SNX29: variants seen among roughly 807,000 people sequenced by gnomAD.
SNX29 encodes sorting nexin 29, also known as sorting nexin-29.
In SNX29, 78 loss-of-function variants were observed where a neutral mutation model predicts 102.1. The observed-to-expected ratio is 0.76, with a 90% CI of 0.64 to 0.92. The LOEUF (loss-of-function observed/expected upper bound fraction) is 0.92, where lower values mean the gene tolerates loss of function less well. Among genes scored for constraint, SNX29 ranks in the 40% least tolerant of loss-of-function variants. The probability of loss-of-function intolerance (pLI) is 0.00; values close to 1 mark genes in which losing one functional copy is unlikely to be tolerated. For synonymous variants in SNX29, 580 were observed against 414.5 expected, an observed-to-expected ratio of 1.40 and a Z score of -4.85; for missense variants, 1,280 against 1,061.7, an observed-to-expected ratio of 1.21 and a Z score of -2.86.
At chr16:12,266,444 C>T (rs1031910409) in intron 14 of SNX29, among the ~76,000 whole-genome samples, 8 of 152,166 alleles carry the variant, frequency 5.3e-5, no homozygotes, top group African/African-American at 1.2e-4. Context: ...TGCTTCCAAC[C>T]AACCAGCCCC....
chr16:12,454,552 A>T (rs2086451452), intron 18 of SNX29, among the ~76,000 whole-genome samples: 1 of 152,174 alleles, frequency 6.6e-6, no homozygotes, highest in African/African-American at 2.4e-5. Context: ...GCTGCTGGCG[A>T]ATGTGGCTTG....
At chr16:12,110,882 G>A (rs2053476081) in intron 11 of SNX29, among the ~76,000 whole-genome samples, 1 of 151,772 alleles carries the variant, frequency 6.6e-6, no homozygotes, top group Admixed American at 6.6e-5. Flanking sequence ...GGAGTGCAGT[G>A]GTGCGATCAT....
chr16:12,379,187 C>G (rs907944095), intron 16 of SNX29, among the ~76,000 whole-genome samples: 14 of 152,150 alleles, frequency 9.2e-5, no homozygotes, highest in African/African-American at 3.1e-4. Context: ...CTCTTTTTCT[C>G]AAGCAGGGGT....
chr16:12,451,824 A>G (rs903040462), intron 18 of SNX29, among the ~76,000 whole-genome samples: 6 of 152,240 alleles, frequency 3.9e-5, no homozygotes, highest in African/African-American at 1.4e-4. Flanking sequence ...AGATCGCGCC[A>G]CTGCATTCTA....
At chr16:12,060,948 C>T (rs1018868627) in intron 8 of SNX29, 11 of 442,010 alleles carry the variant, frequency 2.5e-5, no homozygotes, top group African/African-American at 1.0e-4. Flanking sequence ...CTTTTACCCA[C>T]GAGGGGCTCA....
intron 18 of SNX29, among the ~76,000 whole-genome samples, chr16:12,424,729 C>G (rs1268884896): frequency 6.6e-6 from 1 of 152,114 alleles, no homozygotes; most frequent in African/African-American, 2.4e-5. Flanking sequence ...GGGGGGATAC[C>G]TGTAACAGAC....
At chr16:12,033,108 G>A (rs747700057) in intron 4 of SNX29, among the ~76,000 whole-genome samples, 3 of 152,128 alleles carry the variant, frequency 2.0e-5, no homozygotes, top group Non-Finnish European at 4.4e-5. Flanking sequence ...GCCCGCCTTG[G>A]CCTCCCAAAG....
chr16:12,487,709 G>A (rs144062266), intron 19 of SNX29, among the ~76,000 whole-genome samples: 72 of 152,294 alleles, frequency 4.7e-4, no homozygotes, highest in African/African-American at 1.7e-3. Flanking sequence ...CCTGTTCGCA[G>A]CAGAGATGCA....
intron 20 of SNX29, among the ~76,000 whole-genome samples, chr16:12,554,754 T>C (rs1016878468): frequency 1.3e-5 from 2 of 152,034 alleles, no homozygotes; most frequent in African/African-American, 4.8e-5. Context: ...TTAAGTGTAT[T>C]AGAACGTGCT....
chr16:12,179,273 C>G (rs1261342707), intron 13 of SNX29, among the ~76,000 whole-genome samples: 1 of 152,188 alleles, frequency 6.6e-6, no homozygotes, highest in Non-Finnish European at 1.5e-5. Flanking sequence ...CACTTGAGTT[C>G]AGGAGTTCGA....
intron 19 of SNX29, among the ~76,000 whole-genome samples, chr16:12,519,971 G>A (rs528798983): frequency 5.1e-4 from 78 of 152,090 alleles, no homozygotes; most frequent in South Asian, 1.7e-3. Flanking sequence ...GCGACAGAGC[G>A]AGACTCTGTC....
chr16:12,027,491 G>C (rs2057226709), intron 4 of SNX29, 47 bp downstream of exon 4: 1 of 1,603,308 alleles, frequency 6.2e-7, no homozygotes, highest in South Asian at 1.1e-5. Flanking sequence ...TCTTCCTTCT[G>C]CTCTTTTTCT....
At position 12,569,055 on chromosome 16, in the gene SNX29, G is replaced by A. The variant is rs116984143; in HGVS notation, c.*426G>A. 3,532 of 212,180 alleles carry A rather than the reference G, an allele frequency of 0.017. 79 individuals are homozygous for A. The highest frequency in any genetic ancestry group is 0.11 in the South Asian group (605 of 5,380). The allele number at this position is 212,180 out of a possible 1,614,324, so 13.1% of individuals were successfully genotyped here. ...CTCTTTCCCACGTGGGGACTAGAAT[G>A]ACTATTAGCCTCTCCTTTTGCTTTT... On this transcript the variant is annotated 3_prime_UTR_variant, in exon 21 of 21. Transcript: ENST00000566228.
chr16:11,986,207 C>T (rs1281526112), intron 1 of SNX29, among the ~76,000 whole-genome samples: 4 of 151,560 alleles, frequency 2.6e-5, no homozygotes, highest in African/African-American at 7.3e-5. Flanking sequence ...TTTTCCTTGC[C>T]CTGACTTTTT....
At chr16:12,346,739 A>C (rs146665100) in intron 15 of SNX29, among the ~76,000 whole-genome samples, 3 of 152,262 alleles carry the variant, frequency 2.0e-5, no homozygotes, top group Admixed American at 6.5e-5. Context: ...ACCACCAGGA[A>C]GGTGTTGGCT....
At chr16:11,990,331 C>CT (rs1249023542) in intron 1 of SNX29, among the ~76,000 whole-genome samples, 1 of 152,176 alleles carries the variant, frequency 6.6e-6, no homozygotes, top group East Asian at 1.9e-4. Flanking sequence ...GAGGTACTGT[C>CT]TGCTAGAGCT....
chr16:12,447,266 A>G (rs538006086), intron 18 of SNX29, among the ~76,000 whole-genome samples: 2 of 151,716 alleles, frequency 1.3e-5, no homozygotes, highest in South Asian at 2.1e-4. Flanking sequence ...CATCCAGGCA[A>G]TTGAAGAAGT....
At chr16:12,527,305 A>G in intron 20 of SNX29, 1 of 532,012 alleles carries the variant, frequency 1.9e-6, no homozygotes, top group Non-Finnish European at 3.7e-6. Flanking sequence ...CACAGAAAGC[A>G]GCGAGACTGC....
In SNX29 at chr16:12,571,766, G is replaced by A; in HGVS notation, c.*3137G>A. 9.9e-7 allele frequency: 1 copy of A among 1,013,782 alleles called. No individual in the cohort carries two copies. The highest frequency in any genetic ancestry group is 1.2e-6 in the Non-Finnish European group (1 of 833,344). The allele number at this position is 1,013,782 out of a possible 1,614,324, so 62.8% of individuals were successfully genotyped here. On this transcript the variant is annotated 3_prime_UTR_variant, in exon 21 of 21. Coordinates refer to ENST00000566228, the MANE Select transcript of SNX29 (RefSeq NM_032167.5). ...GCCCAACCATCCACTCCTGATCTGA[G>A]ACAGAACCTTCTCCGCCACTCTTCC...
Sources: allele counts gnomAD v4.1 joint callset (sites outside exome capture counted in the v4.1 genomes callset), GRCh38; gene constraint gnomAD v4.1.1; transcripts MANE v1.5; gene names NCBI Gene and HGNC (gene_info 2026-07-23, HGNC 2026-07-21).